Variants in HPN observed in about 807,000 individuals in gnomAD.
HPN encodes serine protease hepsin.
Under a neutral mutation model 55.9 loss-of-function variants are expected in HPN, and 13 were observed. The observed-to-expected ratio is 0.23, with a 90% CI of 0.15 to 0.37. HPN has a LOEUF of 0.37. Ranked by LOEUF, HPN falls within the 10% of genes least tolerant of loss-of-function variation. The pLI, the probability that HPN is intolerant of heterozygous loss-of-function variation, is 1.00. For missense variants in HPN, 451 were observed against 575.8 expected, an observed-to-expected ratio of 0.78 and a Z score of 2.22; for synonymous variants, 225 against 240.3, an observed-to-expected ratio of 0.94 and a Z score of 0.59.
At chr19:35,046,131 C>A (rs2064339395) in intron 2 of HPN, among the ~76,000 whole-genome samples, 1 of 152,204 alleles carries the variant, frequency 6.6e-6, no homozygotes, top group African/African-American at 2.4e-5. Context: ...GCCTGAGAAC[C>A]CCTCGCAGGA....
intron 4 of HPN, chr19:35,059,436 C>T (rs866867373): frequency 1.5e-6 from 1 of 655,248 alleles, no homozygotes; most frequent in Middle Eastern, 2.5e-4. Flanking sequence ...GAGCCAAGAT[C>T]ACACCACTAC....
At chr19:35,049,424 T>C (rs2064379932) in intron 3 of HPN, 33 bp downstream of exon 3, 1 of 1,612,468 alleles carries the variant, frequency 6.2e-7, no homozygotes, top group South Asian at 1.1e-5. Flanking sequence ...TGACCTCCCC[T>C]GGCCCCTGCA....
chr19:35,052,818 T>G (rs2064418431), intron 4 of HPN, among the ~76,000 whole-genome samples: 1 of 152,188 alleles, frequency 6.6e-6, no homozygotes, highest in Non-Finnish European at 1.5e-5. Context: ...CAGGAAATCC[T>G]TGAGTTATGA....
chr19:35,065,243 C>T lies in HPN; in HGVS notation c.812-7C>T. On this transcript the variant is annotated splice_region_variant and splice_polypyrimidine_tract_variant and intron_variant, in intron 9 of 12. Transcript: ENST00000672452. ...CGGGGGCTGGACCAGCATTGTCTCTCTCACAGAATACATCCAGCCTGTGTG... is the reference window on the plus strand; with the variant it reads ...CGGGGGCTGGACCAGCATTGTCTCTTTCACAGAATACATCCAGCCTGTGTG... The T allele has an allele frequency of 6.2e-7, 1 of 1,608,138 alleles. No individual in the cohort carries two copies. Among genetic ancestry groups the T allele is most frequent in the African/African-American group, 1.3e-5 (1 of 74,972 alleles).
At chr19:35,055,913 C>G (rs993846117) in intron 4 of HPN, among the ~76,000 whole-genome samples, 1 of 152,152 alleles carries the variant, frequency 6.6e-6, no homozygotes, top group Non-Finnish European at 1.5e-5. Flanking sequence ...TCAGGGCCCT[C>G]CCCTGGCTGC....
At chr19:35,065,188 CA>C in intron 9 of HPN, 61 bp from the exon 10 acceptor site, 1 of 1,178,708 alleles carries the variant, frequency 8.5e-7, no homozygotes, top group South Asian at 1.4e-5. Flanking sequence ...AGCAGCTGGA[CA>C]GAGGTTTGTA....
intron 4 of HPN, among the ~76,000 whole-genome samples, chr19:35,058,082 G>A (rs112552930): frequency 0.15 from 22,566 of 151,678 alleles, 1,827 homozygotes; most frequent in African/African-American, 0.22. Flanking sequence ...GAACCCGGGA[G>A]GCAGAGGTTG....
At chr19:35,053,478 C>T (rs1031062604) in intron 4 of HPN, among the ~76,000 whole-genome samples, 3 of 150,560 alleles carry the variant, frequency 2.0e-5, no homozygotes, top group Non-Finnish European at 4.4e-5. Flanking sequence ...CAGGCCGGTG[C>T]GGTGGCTCAC....
rs1340317021 is a variant in HPN, at chr19:35,060,693, T to C, written c.687T>C (p.Gly229=). The C allele has an allele frequency of 6.2e-7, 1 of 1,614,076 alleles. No homozygotes were observed. The highest frequency in any genetic ancestry group is 8.5e-7 in the Non-Finnish European group (1 of 1,180,024). ...AGAVAQASPH[G]LQLGVQAVVY... ...CCGTGGCCCAGGCCTCTCCCCACGG[T>C]CTGCAGCTGGGGGTGCAGGCTGTGG... The change falls in exon 9 of 13, where the codon GGT becomes GGC. Residue 229 remains glycine (G), a synonymous_variant. Transcript: ENST00000672452.
At chr19:35,054,373 A>G (rs1437545099) in intron 4 of HPN, among the ~76,000 whole-genome samples, 9 of 150,376 alleles carry the variant, frequency 6.0e-5, no homozygotes, top group Non-Finnish European at 1.3e-4. Flanking sequence ...AGCCGAGATC[A>G]TGCCACTGCA....
intron 7 of HPN, 32 bp from the exon 8 acceptor site, chr19:35,060,315 G>C: frequency 1.9e-6 from 3 of 1,606,294 alleles, no homozygotes; most frequent in African/African-American, 1.4e-5. Flanking sequence ...CCAGTCCCCT[G>C]TCGCCGCCCC....
At chr19:35,051,678 G>A (rs948984880) in intron 4 of HPN, among the ~76,000 whole-genome samples, 7 of 116,670 alleles carry the variant, frequency 6.0e-5, no homozygotes, top group African/African-American at 1.9e-4. Flanking sequence ...ACACTTGATT[G>A]CTTGTTAAAA....
Position 35,060,158 on chromosome 19 carries a change from C to A in HPN, c.443C>A (p.Ala148Asp). The A allele has an allele frequency of 1.2e-6, 2 of 1,614,182 alleles. No individual in the cohort carries two copies. Among genetic ancestry groups the A allele is most frequent in the Non-Finnish European group, 1.7e-6 (2 of 1,180,044 alleles). Residue 148 changes from alanine (A) to aspartate (D), a missense_variant, in exon 7 of 13, where the codon GCC becomes GAC. Around this residue, in one of 2 missense-constraint regions of HPN, gnomAD observed 378 missense variants for 445.5 expected, o/e 0.85. Transcript: ENST00000672452. ...TGCCCCAGAGGCCGTTTCTTGGCCG[C>A]CATCTGCCAAGGTGAGATCCTAAAA... ...CDCPRGRFLA[A>D]ICQDCGRRKL...
At chr19:35,047,175 T>C (rs1266607304) in intron 2 of HPN, among the ~76,000 whole-genome samples, 1 of 152,140 alleles carries the variant, frequency 6.6e-6, no homozygotes, top group African/African-American at 2.4e-5. Flanking sequence ...GGGAATAAAA[T>C]CCCTTTTCCT....
rs1295365401 is a variant in HPN at position 35,060,706 on chromosome 19, G to A, written c.700G>A (p.Val234Met). 19 of 1,614,062 alleles carry A rather than the reference G, an allele frequency of 1.2e-5. No homozygotes were observed. The highest frequency in any genetic ancestry group is 1.4e-5 in the Non-Finnish European group (17 of 1,180,024). Reference sequence around the variant, plus strand: ...CTCTCCCCACGGTCTGCAGCTGGGGGTGCAGGCTGTGGTCTACCACGGGGG... The same window carrying A: ...CTCTCCCCACGGTCTGCAGCTGGGGATGCAGGCTGTGGTCTACCACGGGGG... The part of the protein sequence containing the change: ...QASPHGLQLG[V>M]QAVVYHGGYL... Residue 234 changes from valine to methionine, a missense_variant, in exon 9 of 13, where the codon GTG becomes ATG. Physicochemically the swap from Val to Met is conservative, Grantham distance 21. Coordinates refer to ENST00000672452, the MANE Select transcript of HPN (RefSeq NM_001384133.1).
chr19:35,065,376 C>T lies in HPN; in HGVS notation c.907+31C>T, dbSNP rs531952625. ...TCCTGTCCTCTGCCTCTGATGCCACCGTTTGGGAGACTCTGAACTAGGCTG... is the reference window on the plus strand; with the variant it reads ...TCCTGTCCTCTGCCTCTGATGCCACTGTTTGGGAGACTCTGAACTAGGCTG... On this transcript the variant is annotated intron_variant, in intron 10 of 12. Transcript: ENST00000672452. 7.5e-6 allele frequency: 12 copies of T among 1,593,854 alleles called. No individual in the cohort carries two copies. The Middle Eastern group carries it at 5.0e-4, about 66-fold the overall frequency.
intron 9 of HPN, among the ~76,000 whole-genome samples, chr19:35,062,748 G>A (rs1335209777): frequency 1.3e-5 from 2 of 152,156 alleles, no homozygotes; most frequent in African/African-American, 4.8e-5. Flanking sequence ...GGCTGTGGTG[G>A]TGCGCGCCTG....
chr19:35,063,570 G>A (rs1270351571), intron 9 of HPN, among the ~76,000 whole-genome samples: 1 of 152,222 alleles, frequency 6.6e-6, no homozygotes, highest in African/African-American at 2.4e-5. Context: ...TTAGCCAGGT[G>A]TAGTGGCAGG....
At chr19:35,052,999 A>C (rs1036116372) in intron 4 of HPN, among the ~76,000 whole-genome samples, 1 of 152,144 alleles carries the variant, frequency 6.6e-6, no homozygotes, top group Non-Finnish European at 1.5e-5. Context: ...CAAACAAACA[A>C]AAACAACCCC....
Sources: allele counts gnomAD v4.1 joint callset (sites outside exome capture counted in the v4.1 genomes callset), GRCh38; gene constraint gnomAD v4.1.1; regional missense constraint gnomAD v4.1.1; transcripts MANE v1.5; gene names NCBI Gene and HGNC (gene_info 2026-07-23, HGNC 2026-07-21).